The following CSNK2A1 variants were observed in gnomAD, a reference collection of about 807,000 sequenced individuals.
CSNK2A1 encodes casein kinase II subunit alpha.
Under a neutral mutation model 62.9 loss-of-function variants are expected in CSNK2A1, and 10 were observed. That is an observed-to-expected ratio of 0.16 (90% confidence interval 0.10 to 0.27). The LOEUF (loss-of-function observed/expected upper bound fraction) is 0.27. CSNK2A1 is among the 10% of genes least tolerant of loss of function. CSNK2A1 has a pLI of 1.00. For missense variants in CSNK2A1, 160 were observed against 492.0 expected (o/e 0.33, Z 6.38); for synonymous variants, 124 against 167.8 (o/e 0.74, Z 2.02).
chr20:488,040 CTTTT>C (rs530136543), intron 11 of CSNK2A1: 65 of 142,974 alleles, frequency 4.5e-4, no homozygotes, highest in East Asian at 1.2e-3. Context: ...TGCATATAGC[CTTTT>C]TTTTTTTTTT....
chr20:520,442 G>C (rs890516584), intron 2 of CSNK2A1, among the ~76,000 whole-genome samples: 1 of 151,970 alleles, frequency 6.6e-6, no homozygotes, highest in Admixed American at 6.6e-5. Flanking sequence ...ATTAATTTTT[G>C]ACAAAGGTAC....
intron 1 of CSNK2A1, among the ~76,000 whole-genome samples, chr20:531,281 G>C (rs2019207378): frequency 6.6e-6 from 1 of 152,118 alleles, no homozygotes; most frequent in African/African-American, 2.4e-5. Context: ...ACAAAAACCT[G>C]CTGGATATGC....
chr20:528,669 C>T (rs187253412), intron 1 of CSNK2A1, among the ~76,000 whole-genome samples: 3 of 151,266 alleles, frequency 2.0e-5, no homozygotes, highest in Non-Finnish European at 4.4e-5. Flanking sequence ...GTTATGTTAC[C>T]CAGGCTGGTC....
At position 479,610 on chromosome 20, in the gene CSNK2A1, G is replaced by A. The variant is rs1350555166; in HGVS notation, c.*4351C>T. 1.3e-5 allele frequency: 2 copies of A among 152,192 alleles called. No individual in the cohort carries two copies. Among genetic ancestry groups the A allele is most frequent in the Admixed American group, 6.5e-5 (1 of 15,272 alleles). 9.4% of individuals were successfully genotyped at this position (152,192 alleles called of 1,614,324 possible). On this transcript the variant is annotated 3_prime_UTR_variant, in exon 14 of 14. Transcript: ENST00000217244. ...ACTGCCAGACAGAACTCTGTTAGAG[G>A]TAGACCACTTGCAGTAACATTACAT...
Position 543,711 on chromosome 20 carries a change from C to G in CSNK2A1, c.-266G>C. ...GCAGCGGCGGCGGCCGCTCTCCCCTCTGCTCACACAGACAATATGGCGGCG... is the reference window on the plus strand; with the variant it reads ...GCAGCGGCGGCGGCCGCTCTCCCCTGTGCTCACACAGACAATATGGCGGCG... On this transcript the variant is annotated 5_prime_UTR_variant, in exon 1 of 14. Coordinates refer to ENST00000217244, the MANE Select transcript of CSNK2A1 (RefSeq NM_177559.3). 2.5e-6 allele frequency: 1 copy of G among 398,458 alleles called. No homozygotes were observed. The highest frequency in any genetic ancestry group is 4.4e-6 in the Non-Finnish European group (1 of 226,042). The allele number at this position is 398,458 out of a possible 1,614,324, so 24.7% of individuals were successfully genotyped here.
chr20:499,465 C>T lies in CSNK2A1; in HGVS notation c.316-160G>A, dbSNP rs1011101171. 1.4e-5 allele frequency: 8 copies of T among 591,760 alleles called. No homozygotes were observed. The highest frequency in any genetic ancestry group is 5.6e-5 in the African/African-American group (3 of 53,538). 36.7% of individuals were successfully genotyped at this position (591,760 alleles called of 1,614,324 possible). A position where few individuals can be genotyped will look rare whatever the true frequency, so the allele number is the denominator to read the frequency against. On this transcript the variant is annotated intron_variant, in intron 5 of 13. Coordinates refer to ENST00000217244, the MANE Select transcript of CSNK2A1 (RefSeq NM_177559.3). The surrounding 1 kb of genome is among the most constrained non-coding windows in gnomAD (Gnocchi z 4.2). ...CAAGCCCTCCCCGCTCTGATCATCA[C>T]CGCACTTAGGTCATTTTTGGGATGG... is the stretch of plus-strand genomic sequence containing the variant.
In CSNK2A1 at chr20:499,363, T is replaced by C. The variant is rs939338038; in HGVS notation, c.316-58A>G. ...TTAGCAATAGCCCTGACAGCTTTAA[T>C]GGGGACAATGTTTGCGGATGCTGCG... On this transcript the variant is annotated intron_variant, in intron 5 of 13. Transcript: ENST00000217244. This position sits in a 1 kb window ranked among gnomAD's most constrained non-coding sequence, Gnocchi z 4.2. The C allele has an allele frequency of 8.5e-6, 13 of 1,536,708 alleles. No homozygotes were observed. The highest frequency in any genetic ancestry group is 1.2e-5 in the Non-Finnish European group (13 of 1,125,936).
Position 479,970 on chromosome 20 carries a change from C to G in CSNK2A1, c.*3991G>C, listed in dbSNP as rs1454224111. 1 of 152,116 alleles carries G rather than the reference C, an allele frequency of 6.6e-6. No homozygotes were observed. The highest frequency in any genetic ancestry group is 1.5e-5 in the Non-Finnish European group (1 of 68,022). 9.4% of individuals were successfully genotyped at this position (152,116 alleles called of 1,614,324 possible). A position where few individuals can be genotyped will look rare whatever the true frequency, so the allele number is the denominator to read the frequency against. On this transcript the variant is annotated 3_prime_UTR_variant, in exon 14 of 14. Coordinates refer to ENST00000217244, the MANE Select transcript of CSNK2A1 (RefSeq NM_177559.3). ...AATTCAAAACACTTCTGGTCCCAAC[C>G]ATTTTGGATAGGGGATATTCAACCT...
At chr20:517,592 A>C (rs537858583) in intron 2 of CSNK2A1, among the ~76,000 whole-genome samples, 1 of 152,358 alleles carries the variant, frequency 6.6e-6, no homozygotes, top group Non-Finnish European at 1.5e-5. Context: ...TAAAATGGGG[A>C]AAAACTGTAA....
At chr20:487,701 G>C in intron 11 of CSNK2A1, 126 bp from the exon 12 acceptor site, 1 of 1,325,612 alleles carries the variant, frequency 7.5e-7, no homozygotes, top group South Asian at 1.3e-5. Context: ...AACTCAAGAG[G>C]GTAGTCTTGC....
intron 2 of CSNK2A1, among the ~76,000 whole-genome samples, chr20:518,002 G>C (rs1006419476): frequency 6.6e-6 from 1 of 151,962 alleles, no homozygotes; most frequent in Non-Finnish European, 1.5e-5. Flanking sequence ...TCAGTTCCTT[G>C]TTGCCCAAGC....
chr20:494,110 C>T (rs2018297565), intron 8 of CSNK2A1: 1 of 151,762 alleles, frequency 6.6e-6, no homozygotes. Flanking sequence ...TCACTGCAAC[C>T]TCCGCCTCCG....
intron 1 of CSNK2A1, among the ~76,000 whole-genome samples, chr20:535,800 A>G (rs1402715368): frequency 1.3e-5 from 2 of 152,110 alleles, no homozygotes; most frequent in Non-Finnish European, 1.5e-5. Context: ...GTCTGCCTAC[A>G]GTTTATCACT....
At position 478,477 on chromosome 20, in the gene CSNK2A1, C is replaced by T. The variant is rs1161468837; in HGVS notation, c.*5484G>A. The T allele has an allele frequency of 4.4e-6, 1 of 225,214 alleles. No individual in the cohort carries two copies. The highest frequency in any genetic ancestry group is 9.2e-6 in the Non-Finnish European group (1 of 108,548). 14.0% of individuals were successfully genotyped at this position (225,214 alleles called of 1,614,324 possible). Reference sequence around the variant, plus strand: ...GCATTTTTTTCCCTTTTTCTCATTACAGGAGCCAAGAAAACTGTCAAAGCA... The same window carrying T: ...GCATTTTTTTCCCTTTTTCTCATTATAGGAGCCAAGAAAACTGTCAAAGCA... On this transcript the variant is annotated 3_prime_UTR_variant, in exon 14 of 14. Transcript: ENST00000217244.
intron 3 of CSNK2A1, 129 bp from the exon 4 acceptor site, chr20:505,358 T>TTG: frequency 8.8e-6 from 6 of 679,008 alleles, no homozygotes; most frequent in Middle Eastern, 4.1e-4. Flanking sequence ...TAGGTTTTTT[T>TTG]TTTTTTTTTT....
At position 496,097 on chromosome 20, in the gene CSNK2A1, A is replaced by C. The variant is rs368385239; in HGVS notation, c.427-295T>G. The C allele has an allele frequency of 2.0e-5, 6 of 305,994 alleles. No individual in the cohort carries two copies. In the East Asian group the frequency reaches 3.3e-4, roughly 17 times the overall value. 19.0% of individuals were successfully genotyped at this position (305,994 alleles called of 1,614,324 possible). ...CACTTCAAATTTTTCTGTCTTGTCC[A>C]GATCCTAGATTATTTCCACAGACCC... On this transcript the variant is annotated intron_variant, in intron 7 of 13. Coordinates refer to ENST00000217244, the MANE Select transcript of CSNK2A1 (RefSeq NM_177559.3).
At position 525,310 on chromosome 20, in the gene CSNK2A1, G is replaced by A. The variant is rs139476735; in HGVS notation, c.-110+2623C>T. Among the ~76,000 whole-genome samples, 412 of 152,098 alleles carry A rather than the reference G, an allele frequency of 2.7e-3. 1 individual carries two copies. Among genetic ancestry groups the A allele is most frequent in the Middle Eastern group, 6.8e-3 (2 of 294 alleles). On this transcript the variant is annotated intron_variant, in intron 2 of 13. Transcript: ENST00000217244. ...GTGGATTACTTGAATCTAGGAGTTC[G>A]AGACCAGCCTGGGCAACATGGCGAG... is the stretch of plus-strand genomic sequence containing the variant.
Position 499,023 on chromosome 20 carries a change from T to G in CSNK2A1, c.366+232A>C. ...TCAGCAGAAACTGTCAACTAAGTAG[T>G]GAGAAGTCAATGTGTTGGTCATTAA... On this transcript the variant is annotated intron_variant, in intron 6 of 13. Transcript: ENST00000217244. This position sits in a 1 kb window ranked among gnomAD's most constrained non-coding sequence, Gnocchi z 4.2. 3.4e-6 allele frequency: 1 copy of G among 296,194 alleles called. No homozygotes were observed. The allele number at this position is 296,194 out of a possible 1,614,324, so 18.3% of individuals were successfully genotyped here.
chr20:474,964 A>G lies in CSNK2A1; in HGVS notation c.*8997T>C, dbSNP rs2017817958. ...AACTTTTAAACATTTGAACTCTAGC[A>G]AATATACTGAGAAGTGCCCCAAACG... is the stretch of plus-strand genomic sequence containing the variant. On this transcript the variant is annotated 3_prime_UTR_variant, in exon 14 of 14. Transcript: ENST00000217244. 1.3e-5 allele frequency: 2 copies of G among 152,192 alleles called. No homozygotes were observed. Among genetic ancestry groups the G allele is most frequent in the South Asian group, 4.1e-4 (2 of 4,826 alleles). The allele number at this position is 152,192 out of a possible 1,614,324, so 9.4% of individuals were successfully genotyped here. A position where few individuals can be genotyped will look rare whatever the true frequency, so the allele number is the denominator to read the frequency against.
Sources: allele counts gnomAD v4.1 joint callset (sites outside exome capture counted in the v4.1 genomes callset), GRCh38; gene constraint gnomAD v4.1.1; non-coding constraint Gnocchi (gnomAD v3.1); transcripts MANE v1.5; gene names NCBI Gene and HGNC (gene_info 2026-07-23, HGNC 2026-07-21).